The following CPEB1 variants were observed in gnomAD, a reference collection of about 807,000 sequenced individuals.
CPEB1 encodes cytoplasmic polyadenylation element-binding protein 1.
A neutral mutation model predicts 65.8 loss-of-function variants in CPEB1; 7 were observed. That is an observed-to-expected ratio of 0.11 (90% CI 0.06 to 0.20). The LOEUF is 0.20. Ranked by LOEUF, CPEB1 falls within the 10% of genes least tolerant of loss-of-function variation. The probability of loss-of-function intolerance (pLI) is 1.00; values close to 1 mark genes in which losing one functional copy is unlikely to be tolerated. For synonymous variants in CPEB1, 262 were observed against 260.0 expected (o/e 1.01, Z -0.08); for missense variants, 551 against 712.2 (o/e 0.77, Z 2.58).
chr15:82,579,828 C>A (rs1295520566), intron 3 of CPEB1, among the ~76,000 whole-genome samples: 1 of 139,030 alleles, frequency 7.2e-6, no homozygotes, highest in Non-Finnish European at 1.5e-5. Flanking sequence ...AGGAGAATGG[C>A]GTGAACCCGG....
In CPEB1 at chr15:82,605,931, G is replaced by A. The variant is rs117583952; in HGVS notation, c.271+21262C>T. The stretch of plus-strand genomic sequence containing the variant: ...CGCATGTCTGTAATCCCCGTTACCC[G>A]GGAGGCTGGGAGAGGAGAATCGCTT... On this transcript the variant is annotated intron_variant, in intron 3 of 12. Transcript: ENST00000684509. 2.2e-4 allele frequency among the ~76,000 whole-genome samples: 34 copies of A among 152,208 alleles called. No homozygotes were observed. The East Asian group carries it at 6.2e-3, about 28-fold the overall frequency.
intron 4 of CPEB1, among the ~76,000 whole-genome samples, chr15:82,562,678 A>G (rs2151002956): frequency 6.6e-6 from 1 of 152,166 alleles, no homozygotes; most frequent in Non-Finnish European, 1.5e-5. Flanking sequence ...GTCTCTAAAA[A>G]AAATAAATCA....
intron 1 of CPEB1, among the ~76,000 whole-genome samples, chr15:82,638,949 T>A (rs2046883466): frequency 1.3e-5 from 2 of 152,352 alleles, no homozygotes; most frequent in South Asian, 4.1e-4. Flanking sequence ...CCAGCTGTTT[T>A]ACTCACCCCC....
At chr15:82,611,772 A>G (rs765773069) in intron 3 of CPEB1, among the ~76,000 whole-genome samples, 2 of 152,104 alleles carry the variant, frequency 1.3e-5, no homozygotes, top group African/African-American at 4.8e-5. Context: ...TAAGTTTAAA[A>G]AAAACACACA....
At chr15:82,645,985 G>A (rs2047482733) in intron 1 of CPEB1, among the ~76,000 whole-genome samples, 1 of 152,126 alleles carries the variant, frequency 6.6e-6, no homozygotes, top group Admixed American at 6.5e-5. Context: ...TAAAAGACCA[G>A]TGATGAGTCC....
At chr15:82,592,378 A>T (rs867010077) in intron 3 of CPEB1, among the ~76,000 whole-genome samples, 3 of 151,386 alleles carry the variant, frequency 2.0e-5, no homozygotes, top group Middle Eastern at 3.5e-3. Flanking sequence ...ACTTGAGCTC[A>T]TGAGTTTGAG....
intron 3 of CPEB1, among the ~76,000 whole-genome samples, chr15:82,582,444 T>C (rs898745975): frequency 6.6e-6 from 1 of 152,112 alleles, no homozygotes; most frequent in Non-Finnish European, 1.5e-5. Context: ...CTTGTCAAAT[T>C]CCTCGCCATC....
chr15:82,622,978 C>G (rs1033018747), intron 3 of CPEB1, among the ~76,000 whole-genome samples: 5 of 152,296 alleles, frequency 3.3e-5, no homozygotes, highest in African/African-American at 1.2e-4. Flanking sequence ...AGGGACAGCT[C>G]TGTGACCTTT....
chr15:82,545,345 T>A (rs924204482), intron 12 of CPEB1, among the ~76,000 whole-genome samples: 1 of 152,198 alleles, frequency 6.6e-6, no homozygotes, highest in Non-Finnish European at 1.5e-5. Context: ...GAGCCTCAGT[T>A]TAACCATATT....
intron 3 of CPEB1, among the ~76,000 whole-genome samples, chr15:82,607,279 C>T (rs562412661): frequency 1.2e-4 from 18 of 152,162 alleles, no homozygotes; most frequent in Non-Finnish European, 2.2e-4. Flanking sequence ...ACAGGAGATA[C>T]ACTTTAAGAC....
chr15:82,603,072 G>C (rs578122229), intron 3 of CPEB1, among the ~76,000 whole-genome samples: 8 of 152,156 alleles, frequency 5.3e-5, no homozygotes, highest in African/African-American at 1.9e-4. Context: ...CTGAATCTTG[G>C]TAAGAACAAC....
intron 3 of CPEB1, among the ~76,000 whole-genome samples, chr15:82,586,072 G>A (rs1218454303): frequency 6.6e-6 from 1 of 152,162 alleles, no homozygotes; most frequent in Admixed American, 6.6e-5. Context: ...TGAGCAAGGT[G>A]CTAGGAAGGA....
At chr15:82,603,767 G>C (rs569297009) in intron 3 of CPEB1, among the ~76,000 whole-genome samples, 1 of 152,226 alleles carries the variant, frequency 6.6e-6, no homozygotes, top group South Asian at 2.1e-4. Flanking sequence ...AGACTTCAGT[G>C]GCCACATATT....
chr15:82,606,995 A>C (rs2043674644), intron 3 of CPEB1, among the ~76,000 whole-genome samples: 1 of 152,034 alleles, frequency 6.6e-6, no homozygotes, highest in South Asian at 2.1e-4. Flanking sequence ...CATATATATA[A>C]GAATGACAAG....
chr15:82,552,424 C>T, intron 9 of CPEB1, 56 bp downstream of exon 9: 1 of 1,484,060 alleles, frequency 6.7e-7, no homozygotes, highest in South Asian at 1.4e-5. Context: ...ACAAGAAAAT[C>T]CAGTGCCTCA....
At chr15:82,643,516 C>T (rs1377077052) in intron 1 of CPEB1, among the ~76,000 whole-genome samples, 1 of 151,972 alleles carries the variant, frequency 6.6e-6, no homozygotes, top group East Asian at 1.9e-4. Context: ...ATAGTCCCCA[C>T]TACTTGGGAG....
chr15:82,607,045 T>C (rs1050910274), intron 3 of CPEB1, among the ~76,000 whole-genome samples: 1 of 151,842 alleles, frequency 6.6e-6, no homozygotes, highest in African/African-American at 2.4e-5. Context: ...ACAAGGAAAT[T>C]AAAATGTCAT....
intron 3 of CPEB1, among the ~76,000 whole-genome samples, chr15:82,589,669 C>T (rs773786965): frequency 6.6e-5 from 10 of 151,444 alleles, no homozygotes; most frequent in Admixed American, 4.6e-4. Flanking sequence ...TGCAGTGAGC[C>T]GAGATTGCAC....
In CPEB1 at chr15:82,570,337, T is replaced by C. The variant is rs72751649; in HGVS notation, c.460+1007A>G. On this transcript the variant is annotated intron_variant, in intron 4 of 12. Transcript: ENST00000684509. Reference sequence around the variant, plus strand: ...GGGAAGGGAAGGACAGCAGACTTGGTGTTTCCCACTGTCAGTACCAACAGC... The same window carrying C: ...GGGAAGGGAAGGACAGCAGACTTGGCGTTTCCCACTGTCAGTACCAACAGC... Among the ~76,000 whole-genome samples the C allele has an allele frequency of 7.5e-3, 1,137 of 152,180 alleles. 13 individuals carry two copies. Among genetic ancestry groups the C allele is most frequent in the Non-Finnish European group, 8.5e-3 (577 of 68,002 alleles).
Sources: gnomAD v4.1 joint callset for allele counts (sites outside exome capture counted in the v4.1 genomes callset) on GRCh38, gnomAD v4.1.1 for gene constraint, MANE v1.5 for transcripts, NCBI Gene and HGNC (gene_info 2026-07-23, HGNC 2026-07-21) for gene names.